Variants in ITPRID1 observed in about 807,000 individuals in gnomAD.
ITPRID1 encodes protein ITPRID1.
A neutral mutation model predicts 95.4 loss-of-function variants in ITPRID1; 96 were observed. The ratio of observed to expected loss-of-function variants is 1.01; its 90% CI spans 0.85 to 1.19. The LOEUF is 1.19. Among genes scored for constraint, ITPRID1 ranks in the 50% most tolerant of loss-of-function variants. The probability of loss-of-function intolerance (pLI) is 0.00; values close to 1 mark genes in which losing one functional copy is unlikely to be tolerated. For missense variants in ITPRID1, 1,339 were observed against 1,252.9 expected (o/e 1.07, Z -1.04); for synonymous variants, 510 against 453.6 (o/e 1.12, Z -1.58).
At chr7:31,548,794 G>A (rs564316441) in intron 1 of ITPRID1, among the ~76,000 whole-genome samples, 1 of 152,076 alleles carries the variant, frequency 6.6e-6, no homozygotes, top group African/African-American at 2.4e-5. Flanking sequence ...TGAGGTTTGT[G>A]GTAATCATTT....
At position 31,558,029 on chromosome 7, in the gene ITPRID1, T is replaced by C. The variant is rs557123997; in HGVS notation, c.256+3128T>C. Reference sequence around the variant, plus strand: ...TGAGGACTCTGCCTTTATGAATGGTTTAATGCCCTTATCCTGGAGTGAGTT... The same window carrying C: ...TGAGGACTCTGCCTTTATGAATGGTCTAATGCCCTTATCCTGGAGTGAGTT... On this transcript the variant is annotated intron_variant, in intron 5 of 14. Coordinates refer to ENST00000615280, the MANE Select transcript of ITPRID1 (RefSeq NM_001257967.3). 1.3e-3 allele frequency among the ~76,000 whole-genome samples: 201 copies of C among 152,290 alleles called. 1 individual carries two copies. The highest frequency in any genetic ancestry group is 4.7e-3 in the African/African-American group (196 of 41,570).
intron 10 of ITPRID1, among the ~76,000 whole-genome samples, chr7:31,632,742 C>T (rs1789126053): frequency 6.6e-6 from 1 of 152,144 alleles, no homozygotes. Context: ...ACTACTGAAG[C>T]CCAGCTGGGT....
chr7:31,588,851 G>A (rs1785740266), intron 10 of ITPRID1, among the ~76,000 whole-genome samples: 3 of 152,082 alleles, frequency 2.0e-5, no homozygotes, highest in South Asian at 4.1e-4. Flanking sequence ...ACTAAAATAA[G>A]TGAACTGAGA....
Position 31,587,166 on chromosome 7 carries a change from G to T in ITPRID1, c.1228+3975G>T, listed in dbSNP as rs1027026587. Among the ~76,000 whole-genome samples the T allele has an allele frequency of 2.0e-5, 3 of 152,252 alleles. No homozygotes were observed. The South Asian group carries it at 6.2e-4, about 32-fold the overall frequency. On this transcript the variant is annotated intron_variant, in intron 10 of 14. Coordinates refer to ENST00000615280, the MANE Select transcript of ITPRID1 (RefSeq NM_001257967.3). Reference sequence around the variant, plus strand: ...CAATTAGGCAGGAGAAGGAAATAAAGGGTATTCAATTAGGAAAAGAGGAAG... The same window carrying T: ...CAATTAGGCAGGAGAAGGAAATAAATGGTATTCAATTAGGAAAAGAGGAAG...
downstream of ITPRID1, among the ~76,000 whole-genome samples, chr7:31,657,232 A>G (rs1279197112): frequency 2.3e-5 from 1 of 43,502 alleles, no homozygotes; most frequent in African/African-American, 8.7e-5. Flanking sequence ...TCTGGCAACC[A>G]TTAAGGGATT....
rs551260432 is a variant in ITPRID1, at chr7:31,577,504, T to C, written c.599-359T>C. 1.2e-4 allele frequency among the ~76,000 whole-genome samples: 19 copies of C among 152,320 alleles called. 1 individual carries two copies. In the South Asian group the frequency reaches 3.9e-3, roughly 32 times the overall value. On this transcript the variant is annotated intron_variant, in intron 8 of 14. Coordinates refer to ENST00000615280, the MANE Select transcript of ITPRID1 (RefSeq NM_001257967.3). ...ATGGAGGAATATTCAGGTAGCCTCA[T>C]GTTGATAGCACTGGATTCACTGCTT...
intron 10 of ITPRID1, among the ~76,000 whole-genome samples, chr7:31,640,414 T>TCTGTGTGCCCTTTGAACTCTAGCTCC (rs1789913694): frequency 6.6e-6 from 1 of 152,040 alleles, no homozygotes; most frequent in Non-Finnish European, 1.5e-5. Context: ...CTCCTTCCTC[T>TCTGTGTGCCCTTTGAACTCTAGCTCC]CCTCTGTGTG....
chr7:31,529,009 A>T (rs1783507189), intron 1 of ITPRID1, among the ~76,000 whole-genome samples: 1 of 152,216 alleles, frequency 6.6e-6, no homozygotes, highest in Non-Finnish European at 1.5e-5. Flanking sequence ...AATTCAAAAA[A>T]TGAGGTCAGT....
chr7:31,644,050 A>C, intron 12 of ITPRID1, 97 bp downstream of exon 12: 34 of 1,129,312 alleles, frequency 3.0e-5, no homozygotes, highest in Non-Finnish European at 3.7e-5. Context: ...GCAAGATCTC[A>C]GGGCAAACTT....
intron 10 of ITPRID1, among the ~76,000 whole-genome samples, chr7:31,592,961 A>G (rs1012162039): frequency 7.2e-5 from 11 of 152,260 alleles, no homozygotes; most frequent in Non-Finnish European, 2.9e-5. Flanking sequence ...AAAATGAAAG[A>G]AAATATTTTT....
At position 31,578,395 on chromosome 7, in the gene ITPRID1, T is replaced by C; in HGVS notation, c.1131T>C (p.His377=). The C allele has an allele frequency of 6.2e-7, 1 of 1,612,342 alleles. No homozygotes were observed. The highest frequency in any genetic ancestry group is 8.5e-7 in the Non-Finnish European group (1 of 1,179,040). ...CTAACAAGCTCAAGAGCTTGTCTCA[T>C]CTTGCAGGCAAAGGACCAGACTCAT... ...FQTNKLKSLS[H]LAGKGPDSFE... Residue 377 remains histidine, a synonymous_variant, in exon 9 of 15, where the codon CAT becomes CAC. Transcript: ENST00000615280.
At chr7:31,617,492 C>CTT in intron 10 of ITPRID1, among the ~76,000 whole-genome samples, 1 of 151,938 alleles carries the variant, frequency 6.6e-6, no homozygotes, top group South Asian at 2.1e-4. Context: ...AACTATTCTG[C>CTT]TTTTTGTAAA....
At chr7:31,539,905 G>A (rs530530376) in intron 1 of ITPRID1, among the ~76,000 whole-genome samples, 1 of 152,002 alleles carries the variant, frequency 6.6e-6, no homozygotes, top group African/African-American at 2.4e-5. Context: ...GTATCTGATC[G>A]GGGAGGGGTT....
intron 3 of ITPRID1, among the ~76,000 whole-genome samples, chr7:31,553,980 C>A (rs1263751909): frequency 6.6e-6 from 1 of 152,152 alleles, no homozygotes; most frequent in Non-Finnish European, 1.5e-5. Context: ...TCCAGGGACT[C>A]TAGTGCAATT....
Position 31,593,650 on chromosome 7 carries a change from G to T in ITPRID1, c.1228+10459G>T, listed in dbSNP as rs376514313. Among the ~76,000 whole-genome samples, 10 of 152,266 alleles carry T rather than the reference G, an allele frequency of 6.6e-5. No homozygotes were observed. The South Asian group carries it at 1.0e-3, about 16-fold the overall frequency. On this transcript the variant is annotated intron_variant, in intron 10 of 14. Coordinates refer to ENST00000615280, the MANE Select transcript of ITPRID1 (RefSeq NM_001257967.3). ...AATTTTCCTAATTACTTTAAAATGT[G>T]ACCTGACGATACCTCAAAATTTTAA...
At chr7:31,554,730 G>A in intron 4 of ITPRID1, 128 bp from the exon 5 acceptor site, 1 of 1,012,476 alleles carries the variant, frequency 9.9e-7, no homozygotes, top group Non-Finnish European at 1.5e-6. Flanking sequence ...ACTGTTTATT[G>A]GTTTCTAAAA....
chr7:31,647,606 G>A (rs1343334293), intron 12 of ITPRID1, among the ~76,000 whole-genome samples: 7 of 150,288 alleles, frequency 4.7e-5, no homozygotes, highest in Admixed American at 2.0e-4. Flanking sequence ...CCTGGGAGGC[G>A]GAGACTGCAG....
chr7:31,580,596 A>G (rs1785364791), intron 9 of ITPRID1, among the ~76,000 whole-genome samples: 1 of 152,184 alleles, frequency 6.6e-6, no homozygotes, highest in African/African-American at 2.4e-5. Flanking sequence ...TTAAATTACA[A>G]TTATTCAAGA....
chr7:31,590,494 A>G (rs1428297613), intron 10 of ITPRID1, among the ~76,000 whole-genome samples: 1 of 152,190 alleles, frequency 6.6e-6, no homozygotes, highest in East Asian at 1.9e-4. Context: ...AAAGATATAT[A>G]TCTGATACAA....
Sources: gnomAD v4.1 joint callset for allele counts (sites outside exome capture counted in the v4.1 genomes callset) on GRCh38, gnomAD v4.1.1 for gene constraint, MANE v1.5 for transcripts, NCBI Gene and HGNC (gene_info 2026-07-23, HGNC 2026-07-21) for gene names.